The following ITSN2 variants were observed in gnomAD, a reference collection of about 807,000 sequenced individuals.
ITSN2 encodes the protein intersectin-2.
In ITSN2, 156 loss-of-function variants were observed where a neutral mutation model predicts 243.7. That is an observed-to-expected ratio of 0.64 (90% CI 0.56 to 0.73). The LOEUF (loss-of-function observed/expected upper bound fraction) is 0.73, where lower values mean the gene tolerates loss of function less well. ITSN2 is among the 30% of genes least tolerant of loss of function. The pLI, the probability that ITSN2 is intolerant of heterozygous loss-of-function variation, is 0.00. For missense variants in ITSN2, 1,801 were observed against 1,996.1 expected, an observed-to-expected ratio of 0.90 and a Z score of 1.86; for synonymous variants, 703 against 699.9, an observed-to-expected ratio of 1.00 and a Z score of -0.07.
chr2:24,280,886 T>G (rs1206884477), intron 17 of ITSN2, among the ~76,000 whole-genome samples: 3 of 152,214 alleles, frequency 2.0e-5, no homozygotes, highest in Non-Finnish European at 2.9e-5. Flanking sequence ...TTAACTCTAC[T>G]TAATCCATCA....
chr2:24,339,468 CT>C (rs1296709942), intron 1 of ITSN2, among the ~76,000 whole-genome samples: 10 of 135,320 alleles, frequency 7.4e-5, no homozygotes, highest in African/African-American at 2.7e-4. Context: ...GAGACGCCGT[CT>C]CAAAAAAAAA....
chr2:24,252,912 G>A (rs1466337061), intron 24 of ITSN2, among the ~76,000 whole-genome samples: 1 of 152,094 alleles, frequency 6.6e-6, no homozygotes, highest in Non-Finnish European at 1.5e-5. Context: ...ACCAGAAATA[G>A]TTTAATCTGC....
chr2:24,208,110 G>T, intron 37 of ITSN2, 127 bp downstream of exon 37: 1 of 823,732 alleles, frequency 1.2e-6, no homozygotes, highest in South Asian at 1.5e-5. Flanking sequence ...AGGGCTCTCT[G>T]GTCTGATCCC....
chr2:24,356,171 C>T (rs532198928), intron 1 of ITSN2, among the ~76,000 whole-genome samples: 2 of 147,802 alleles, frequency 1.4e-5, no homozygotes, highest in East Asian at 4.0e-4. Context: ...CATTGCACTC[C>T]AGCCTGGGGG....
chr2:24,211,829 T>A lies in ITSN2; in HGVS notation c.4089+821A>T, dbSNP rs1669520845. Among the ~76,000 whole-genome samples, 1 of 152,178 alleles carries A rather than the reference T, an allele frequency of 6.6e-6. No homozygotes were observed. Among genetic ancestry groups the A allele is most frequent in the Non-Finnish European group, 1.5e-5 (1 of 68,030 alleles). ...GTCATATATTATATGGTATTTGAGC[T>A]ACATTCCGAATTCTGAAACACATCT... On this transcript the variant is annotated intron_variant, in intron 33 of 39. Transcript: ENST00000355123. The surrounding 1 kb of genome is among the most constrained non-coding windows in gnomAD (Gnocchi z 4.1).
In ITSN2 at chr2:24,325,037, T is replaced by C. The variant is rs561046369; in HGVS notation, c.31+3015A>G. Among the ~76,000 whole-genome samples the C allele has an allele frequency of 4.6e-5, 7 of 152,202 alleles. 1 individual carries two copies. The highest frequency in any genetic ancestry group is 1.2e-4 in the African/African-American group (5 of 41,484). ...ATTTTAACAAGGAATAATTTTTAAG[T>C]AGTGTTCAAATAACCTTTTAAAAAA... On this transcript the variant is annotated intron_variant, in intron 2 of 39. Transcript: ENST00000355123.
At chr2:24,307,481 A>G (rs528122600) in intron 8 of ITSN2, among the ~76,000 whole-genome samples, 1 of 152,348 alleles carries the variant, frequency 6.6e-6, no homozygotes, top group East Asian at 1.9e-4. Flanking sequence ...AAGAAGTATA[A>G]TAGGTCACCC....
At chr2:24,290,371 C>A (rs763482955) in intron 15 of ITSN2, among the ~76,000 whole-genome samples, 1 of 151,974 alleles carries the variant, frequency 6.6e-6, no homozygotes, top group African/African-American at 2.4e-5. Flanking sequence ...TATCCTTTGC[C>A]GTATTTTTCT....
intron 14 of ITSN2, among the ~76,000 whole-genome samples, chr2:24,295,028 T>C (rs1184844726): frequency 3.9e-5 from 6 of 152,214 alleles, no homozygotes; most frequent in Non-Finnish European, 5.9e-5. Context: ...CTATGAGTAA[T>C]AAATTTCTGT....
intron 1 of ITSN2, among the ~76,000 whole-genome samples, chr2:24,353,003 G>GTTTT (rs1688156863): frequency 6.6e-6 from 1 of 152,166 alleles, no homozygotes; most frequent in Non-Finnish European, 1.5e-5. Flanking sequence ...TCACTTTCAA[G>GTTTT]TAAAACATCA....
At position 24,210,911 on chromosome 2, in the gene ITSN2, A is replaced by T; in HGVS notation, c.4126T>A (p.Ser1376Thr). 1 of 1,614,150 alleles carries T rather than the reference A, an allele frequency of 6.2e-7. No homozygotes were observed. The highest frequency in any genetic ancestry group is 1.3e-5 in the African/African-American group (1 of 75,032). The stretch of plus-strand genomic sequence containing the variant: ...CGCTCGAGGGCCAGCTTTAGGGAGG[A>T]ATGGTCTGCATGGCTCTCCGGGGTG... ...ENTPESHADH[S>T]SLKLALERAE... Residue 1376 changes from serine to threonine, a missense_variant, in exon 34 of 40, where the codon TCC (serine) becomes ACC (threonine). Around this residue, in one of 5 missense-constraint regions of ITSN2, gnomAD observed 928 missense variants for 1,065.4 expected, o/e 0.87. Coordinates refer to ENST00000355123, the MANE Select transcript of ITSN2 (RefSeq NM_006277.3).
chr2:24,220,100 T>A (rs561956201), intron 30 of ITSN2, among the ~76,000 whole-genome samples: 1 of 152,028 alleles, frequency 6.6e-6, no homozygotes, highest in East Asian at 1.9e-4. Flanking sequence ...GCGTTTAAGG[T>A]GGAGAGTGAA....
At position 24,298,736 on chromosome 2, in the gene ITSN2, T is replaced by G; in HGVS notation, c.1423A>C (p.Asn475His). Residue 475 changes from asparagine (N) to histidine (H), a missense_variant, in exon 13 of 40, where the codon AAT becomes CAT. Transcript: ENST00000355123. ...CTGACAATTTCTTCTTGTTCTCTAT[T>G]CTTTTGATTGAGAAGCTCCTGTCGC... is the stretch of plus-strand genomic sequence containing the variant. ...IRRQELLNQK[N>H]REQEEIVRLN... 1 of 1,612,576 alleles carries G rather than the reference T, an allele frequency of 6.2e-7. No homozygotes were observed. Among genetic ancestry groups the G allele is most frequent in the Non-Finnish European group, 8.5e-7 (1 of 1,178,976 alleles).
At position 24,328,074 on chromosome 2, in the gene ITSN2, A is replaced by G; in HGVS notation, c.9T>C (p.Ala3=). 6.2e-7 allele frequency: 1 copy of G among 1,613,846 alleles called. No homozygotes were observed. Among genetic ancestry groups the G allele is most frequent in the Non-Finnish European group, 8.5e-7 (1 of 1,179,850 alleles). ...TACCATTCATAGCTGTGGGAAACTG[A>G]GCCATCATGGTCCTGAGTTTTCCTT... The part of the protein sequence containing the change: MM[A]QFPTAMNGGP... Residue 3 remains alanine, a synonymous_variant, in exon 2 of 40, where the codon GCT becomes GCC. Coordinates refer to ENST00000355123, the MANE Select transcript of ITSN2 (RefSeq NM_006277.3).
intron 25 of ITSN2, among the ~76,000 whole-genome samples, chr2:24,251,309 C>CAAAAAAAAAATAAAAAAAA: frequency 0.022 from 490 of 22,010 alleles, 242 homozygotes; most frequent in East Asian, 0.039. Context: ...AACTCCATCT[C>CAAAAAAAAAATAAAAAAAA]AAAAAAAAAA....
intron 1 of ITSN2, among the ~76,000 whole-genome samples, chr2:24,346,505 T>G (rs1687545666): frequency 6.6e-6 from 1 of 152,138 alleles, no homozygotes; most frequent in African/African-American, 2.4e-5. Flanking sequence ...TGTAATGTGG[T>G]GACCTGGAAC....
intron 29 of ITSN2, among the ~76,000 whole-genome samples, chr2:24,230,697 G>A (rs62139990): frequency 0.025 from 3,864 of 152,178 alleles, 89 homozygotes; most frequent in Middle Eastern, 0.078. Flanking sequence ...GAACCCAGGA[G>A]GCAGAGGTTG....
At chr2:24,341,977 A>C (rs866762757) in intron 1 of ITSN2, among the ~76,000 whole-genome samples, 3 of 152,234 alleles carry the variant, frequency 2.0e-5, no homozygotes, top group Non-Finnish European at 4.4e-5. Context: ...GATTTAATTT[A>C]CAAAAAGGAG....
chr2:24,202,927 GATGC>G lies in ITSN2; in HGVS notation c.*695_*698del, dbSNP rs1668484244. On this transcript the variant is annotated 3_prime_UTR_variant, in exon 40 of 40. Transcript: ENST00000355123. ...CATATGGGCAATGATAAAGCTTAAA[GATGC>G]ATGTCCTAAGAAATATGCAAAAACA... The G allele has an allele frequency of 6.6e-6, 1 of 152,616 alleles. No homozygotes were observed. Among genetic ancestry groups the G allele is most frequent in the African/African-American group, 2.4e-5 (1 of 41,446 alleles). 9.5% of individuals were successfully genotyped at this position (152,616 alleles called of 1,614,324 possible). A position where few individuals can be genotyped will look rare whatever the true frequency, so the allele number is the denominator to read the frequency against.
Sources: allele counts gnomAD v4.1 joint callset (sites outside exome capture counted in the v4.1 genomes callset), GRCh38; gene constraint gnomAD v4.1.1; regional missense constraint gnomAD v4.1.1; non-coding constraint Gnocchi (gnomAD v3.1); transcripts MANE v1.5; gene names NCBI Gene and HGNC (gene_info 2026-07-23, HGNC 2026-07-21).